Variants in FAT3 observed in about 807,000 individuals in gnomAD.
FAT3 encodes the protein protocadherin Fat 3.
Under a neutral mutation model 310.2 loss-of-function variants are expected in FAT3, and 95 were observed. That is an observed-to-expected ratio of 0.31 (90% CI 0.26 to 0.36). The LOEUF is 0.36. FAT3 is among the 10% of genes least tolerant of loss of function. FAT3 has a pLI of 1.00. For synonymous variants in FAT3, 2,314 were observed against 2,192.9 expected, an observed-to-expected ratio of 1.06 and a Z score of -1.54; for missense variants, 5,408 against 5,715.6, an observed-to-expected ratio of 0.95 and a Z score of 1.74.
At position 92,352,883 on chromosome 11, in the gene FAT3, G is replaced by C; in HGVS notation, c.771G>C (p.Glu257Asp). 6.2e-7 allele frequency: 1 copy of C among 1,613,884 alleles called. No homozygotes were observed. The highest frequency in any genetic ancestry group is 8.5e-7 in the Non-Finnish European group (1 of 1,179,868). The change falls in exon 2 of 28, where the codon GAG becomes GAC. Residue 257 changes from glutamate (E) to aspartate (D), a missense_variant. Glu to Asp is a conservative substitution (Grantham distance 45, BLOSUM62 2). This residue lies in a region of FAT3 where 4,588 missense variants were observed against 4,809.8 expected (regional missense o/e 0.95). Transcript: ENST00000525166. ...SSTAKLYVHI[E>D]RINEHAPTIH... ...CTGCAAAGCTTTATGTTCACATTGA[G>C]CGCATAAATGAACATGCCCCAACAA...
At chr11:92,237,773 A>G (rs1864490895) in intron 1 of FAT3, among the ~76,000 whole-genome samples, 1 of 152,066 alleles carries the variant, frequency 6.6e-6, no homozygotes, top group Non-Finnish European at 1.5e-5. Flanking sequence ...AATGAATGAG[A>G]TATTGTAGAT....
intron 3 of FAT3, among the ~76,000 whole-genome samples, chr11:92,528,132 C>A (rs1953934959): frequency 6.6e-6 from 1 of 152,210 alleles, no homozygotes; most frequent in African/African-American, 2.4e-5. Flanking sequence ...CTTTATCGAA[C>A]ATCTGTTCTC....
At chr11:92,440,565 AG>A (rs1157391080) in intron 2 of FAT3, among the ~76,000 whole-genome samples, 2 of 152,150 alleles carry the variant, frequency 1.3e-5, no homozygotes, top group African/African-American at 2.4e-5. Flanking sequence ...TTCAGCCTAT[AG>A]AGAAGAAAGG....
chr11:92,626,333 G>T (rs577419087), intron 3 of FAT3, among the ~76,000 whole-genome samples: 26 of 152,274 alleles, frequency 1.7e-4, no homozygotes, highest in African/African-American at 6.0e-4. Context: ...TTAATCAGGG[G>T]ATTTAGAGAT....
chr11:92,484,670 C>T (rs1447832503), intron 2 of FAT3, among the ~76,000 whole-genome samples: 2 of 152,166 alleles, frequency 1.3e-5, no homozygotes, highest in African/African-American at 4.8e-5. Flanking sequence ...TAATCTTAAA[C>T]CCACAGCTTA....
chr11:92,337,125 A>G (rs959136337), intron 1 of FAT3, among the ~76,000 whole-genome samples: 5 of 152,184 alleles, frequency 3.3e-5, no homozygotes, highest in South Asian at 2.1e-4. Flanking sequence ...TAACATAGCA[A>G]TGATGTGTAA....
chr11:92,547,573 G>A (rs1954655614), intron 3 of FAT3, among the ~76,000 whole-genome samples: 1 of 152,100 alleles, frequency 6.6e-6, no homozygotes, highest in South Asian at 2.1e-4. Flanking sequence ...AGCCCTCTGA[G>A]TACCAGCACG....
intron 10 of FAT3, among the ~76,000 whole-genome samples, chr11:92,803,573 G>A (rs1947424755): frequency 6.6e-6 from 1 of 152,166 alleles, no homozygotes. Flanking sequence ...CCTAGAGCAG[G>A]GTTGCTCAGC....
At chr11:92,484,584 C>T (rs1952321405) in intron 2 of FAT3, among the ~76,000 whole-genome samples, 1 of 152,110 alleles carries the variant, frequency 6.6e-6, no homozygotes, top group African/African-American at 2.4e-5. Flanking sequence ...AGCTTTAAAA[C>T]ATTGGATGAT....
intron 2 of FAT3, among the ~76,000 whole-genome samples, chr11:92,368,425 T>C (rs1949082907): frequency 6.6e-6 from 1 of 152,160 alleles, no homozygotes; most frequent in African/African-American, 2.4e-5. Flanking sequence ...CTGTGTTCCA[T>C]AAAGAACAAC....
At chr11:92,289,227 T>C (rs900990999) in intron 1 of FAT3, among the ~76,000 whole-genome samples, 2 of 152,156 alleles carry the variant, frequency 1.3e-5, no homozygotes, top group Non-Finnish European at 2.9e-5. Flanking sequence ...GTTAATCTCT[T>C]GGGTCGGATG....
At chr11:92,246,894 G>A (rs1864936164) in intron 1 of FAT3, among the ~76,000 whole-genome samples, 1 of 152,082 alleles carries the variant, frequency 6.6e-6, no homozygotes, top group African/African-American at 2.4e-5. Flanking sequence ...AACATGAAAT[G>A]ATGTAATTTA....
Position 92,883,032 on chromosome 11 carries a change from G to C in FAT3, c.12576G>C (p.Val4192=), listed in dbSNP as rs1189604070. The change falls in exon 24 of 28, where the codon GTG becomes GTC. Residue 4192 remains valine, a synonymous_variant. Coordinates refer to ENST00000525166, the MANE Select transcript of FAT3 (RefSeq NM_001367949.2). The surrounding 1 kb of genome is among the most constrained non-coding windows in gnomAD (Gnocchi z 4.2). ...ACTCCCGCAACAACATCACGCTAGT[G>C]CAGGACCCGGCCACCGCCGCCCTGC... ...KNYSRNNITL[V]QDPATAALLN... 1 of 1,613,886 alleles carries C rather than the reference G, an allele frequency of 6.2e-7. No individual in the cohort carries two copies. The highest frequency in any genetic ancestry group is 2.2e-5 in the East Asian group (1 of 44,866).
At chr11:92,702,557 C>A (rs1944131848) in intron 4 of FAT3, among the ~76,000 whole-genome samples, 2 of 152,158 alleles carry the variant, frequency 1.3e-5, no homozygotes, top group Admixed American at 6.5e-5. Context: ...TATTGCTTGC[C>A]CTTTCCCTCT....
In FAT3 at chr11:92,344,124, C is replaced by A. The variant is rs901417157; in HGVS notation, c.-17-7972C>A. ...GACTATGCACCATGGAACTTCATTT[C>A]TAATAGTAAAAGTAGACAATAGGTG... On this transcript the variant is annotated intron_variant, in intron 1 of 27. Transcript: ENST00000525166. Among the ~76,000 whole-genome samples the A allele has an allele frequency of 2.0e-5, 3 of 152,180 alleles. No individual in the cohort carries two copies. In the South Asian group the frequency reaches 6.2e-4, roughly 32 times the overall value.
At chr11:92,527,052 G>T (rs192120923) in intron 3 of FAT3, among the ~76,000 whole-genome samples, 1 of 152,286 alleles carries the variant, frequency 6.6e-6, no homozygotes, top group Admixed American at 6.5e-5. Context: ...TATAGCTAAA[G>T]ATATAAATGA....
chr11:92,287,250 C>T (rs935930387), intron 1 of FAT3, among the ~76,000 whole-genome samples: 7 of 152,010 alleles, frequency 4.6e-5, no homozygotes, highest in Admixed American at 2.6e-4. Context: ...CTCCATCCTA[C>T]GAGCTAGTAA....
intron 7 of FAT3, among the ~76,000 whole-genome samples, chr11:92,786,601 A>T (rs1484142533): frequency 6.6e-6 from 1 of 152,180 alleles, no homozygotes; most frequent in Non-Finnish European, 1.5e-5. Flanking sequence ...GTCTTACTAC[A>T]TATTATGTTG....
chr11:92,620,337 T>A (rs1473273182), intron 3 of FAT3, among the ~76,000 whole-genome samples: 3 of 152,198 alleles, frequency 2.0e-5, no homozygotes, highest in Non-Finnish European at 4.4e-5. Flanking sequence ...TGCCACTGAA[T>A]ATAGTGTTAT....
Sources: gnomAD v4.1 joint callset for allele counts (sites outside exome capture counted in the v4.1 genomes callset) on GRCh38, gnomAD v4.1.1 for gene constraint, gnomAD v4.1.1 regional missense constraint, Gnocchi (gnomAD v3.1) non-coding constraint, MANE v1.5 for transcripts, NCBI Gene and HGNC (gene_info 2026-07-23, HGNC 2026-07-21) for gene names.